STOM: variants seen among roughly 807,000 people sequenced by gnomAD.
STOM encodes erythrocyte band 7 integral membrane protein.
A neutral mutation model predicts 30.6 loss-of-function variants in STOM; 25 were observed. The observed-to-expected ratio is 0.82, with a 90% confidence interval of 0.60 to 1.14. The LOEUF (loss-of-function observed/expected upper bound fraction) is 1.14, where lower values mean the gene tolerates loss of function less well. STOM is among the 50% of genes most tolerant of loss of function. The pLI, the probability that STOM is intolerant of heterozygous loss-of-function variation, is 0.00. For synonymous variants in STOM, 118 were observed against 130.8 expected (o/e 0.90, Z 0.67); for missense variants, 292 against 365.2 (o/e 0.80, Z 1.63).
chr9:121,348,503 C>T (rs1183772932), intron 5 of STOM, among the ~76,000 whole-genome samples: 2 of 152,240 alleles, frequency 1.3e-5, no homozygotes, highest in Non-Finnish European at 2.9e-5. Context: ...ACAAAAACTA[C>T]AGCCTGTAGG....
At chr9:121,357,441 T>TATATATATATATATATATATATA (rs1564631312) in intron 1 of STOM, among the ~76,000 whole-genome samples, 1,521 of 72,514 alleles carry the variant, frequency 0.021, 41 homozygotes, top group South Asian at 0.035. Context: ...ATATATATAT[T>TATATATATATATATATATATATA]TATTTATTTA....
chr9:121,352,877 G>A (rs971529796), intron 4 of STOM, among the ~76,000 whole-genome samples: 10 of 152,146 alleles, frequency 6.6e-5, no homozygotes, highest in African/African-American at 2.4e-4. Context: ...GATCACCTGA[G>A]GTCAGGAGTT....
intron 1 of STOM, among the ~76,000 whole-genome samples, chr9:121,362,565 T>C (rs2064463750): frequency 6.6e-6 from 1 of 152,216 alleles, no homozygotes; most frequent in Admixed American, 6.5e-5. Context: ...AGTTAATTTT[T>C]CTGAAAAGAT....
chr9:121,341,173 T>G lies in STOM; in HGVS notation c.*29A>C. 1 of 1,613,196 alleles carries G rather than the reference T, an allele frequency of 6.2e-7. No homozygotes were observed. The highest frequency in any genetic ancestry group is 8.5e-7 in the Non-Finnish European group (1 of 1,179,192). ...AAGGCTAATTTGGTCCCCGACTTCA[T>G]GCTTGGAAGGCTAGCGCTCATCTCT... On this transcript the variant is annotated 3_prime_UTR_variant, in exon 7 of 7. Transcript: ENST00000286713.
At chr9:121,357,424 G>GATATTGATATATATATATATAT (rs1554831050) in intron 1 of STOM, among the ~76,000 whole-genome samples, 1 of 95,422 alleles carries the variant, frequency 1.0e-5, no homozygotes, top group African/African-American at 3.2e-5. Context: ...ATTTTTAAAT[G>GATATTGATATATATATATATAT]ATATATATAT....
intron 1 of STOM, among the ~76,000 whole-genome samples, chr9:121,369,143 A>T (rs1317910140): frequency 6.6e-6 from 1 of 152,216 alleles, no homozygotes; most frequent in Non-Finnish European, 1.5e-5. Flanking sequence ...GGATCCCTGG[A>T]CAAGGGAAAT....
intron 1 of STOM, among the ~76,000 whole-genome samples, chr9:121,359,115 C>G (rs1432358140): frequency 2.0e-5 from 3 of 152,076 alleles, no homozygotes; most frequent in Non-Finnish European, 1.5e-5. Flanking sequence ...TTTTCAGGAG[C>G]TATTTTAATG....
At chr9:121,351,863 T>G (rs919246555) in intron 4 of STOM, among the ~76,000 whole-genome samples, 4 of 152,232 alleles carry the variant, frequency 2.6e-5, no homozygotes, top group African/African-American at 9.6e-5. Context: ...GTATAAAATA[T>G]TATGTTTTAT....
At chr9:121,358,768 T>C (rs571983750) in intron 1 of STOM, among the ~76,000 whole-genome samples, 1 of 152,366 alleles carries the variant, frequency 6.6e-6, no homozygotes, top group East Asian at 1.9e-4. Context: ...TTTCCCTTTG[T>C]TCGGTTTTCA....
intron 1 of STOM, among the ~76,000 whole-genome samples, chr9:121,363,126 G>A (rs1010605791): frequency 6.6e-6 from 1 of 152,304 alleles, no homozygotes; most frequent in Non-Finnish European, 1.5e-5. Flanking sequence ...GATGGGCTAA[G>A]GAATTACTGA....
rs1320126707 is a variant in STOM, at chr9:121,339,210, G to T, written c.*1992C>A. 1 of 154,018 alleles carries T rather than the reference G, an allele frequency of 6.5e-6. No homozygotes were observed. The highest frequency in any genetic ancestry group is 2.4e-5 in the African/African-American group (1 of 41,524). The allele number at this position is 154,018 out of a possible 1,614,324, so 9.5% of individuals were successfully genotyped here. A position where few individuals can be genotyped will look rare whatever the true frequency, so the allele number is the denominator to read the frequency against. The stretch of plus-strand genomic sequence containing the variant: ...CCAAGTGATTTAATTTCAGCTGATT[G>T]GACTACGAATTCACAAGGCAGAAAA... On this transcript the variant is annotated 3_prime_UTR_variant, in exon 7 of 7. Transcript: ENST00000286713.
rs2064256317 is a variant in STOM at position 121,342,576 on chromosome 9, G to A, written c.661-1168C>T. On this transcript the variant is annotated intron_variant, in intron 6 of 6. Coordinates refer to ENST00000286713, the MANE Select transcript of STOM (RefSeq NM_004099.6). ...GATGCAATAAAAAACTTAGGTTTAA[G>A]AAGAAGAAGAAAAAAACAATAAAAA... Among the ~76,000 whole-genome samples the A allele has an allele frequency of 3.3e-5, 5 of 151,934 alleles. No homozygotes were observed. The South Asian group carries it at 1.0e-3, about 31-fold the overall frequency.
At chr9:121,353,104 C>T in intron 4 of STOM, 116 bp downstream of exon 4, 1 of 477,014 alleles carries the variant, frequency 2.1e-6, no homozygotes. Flanking sequence ...AACAAACAAA[C>T]AAACAAACAA....
At chr9:121,365,788 C>T (rs2064497379) in intron 1 of STOM, among the ~76,000 whole-genome samples, 1 of 152,116 alleles carries the variant, frequency 6.6e-6, no homozygotes, top group South Asian at 2.1e-4. Context: ...ATGTAAAGGG[C>T]TTGACACTTA....
Position 121,354,622 on chromosome 9 carries a change from G to A in STOM, c.217C>T (p.Gln73Ter). The change falls in exon 3 of 7, where the codon CAA becomes TAA. Residue 73 changes from glutamine to a stop codon, truncating the protein, a stop_gained. Transcript: ENST00000286713. LOFTEE classifies it high-confidence loss of function. ...TGACCAGGTCCTTTGGCTCCTCCTTGTAAAATGCGACCCAATCTAAAGATG... is the reference window on the plus strand; with the variant it reads ...TGACCAGGTCCTTTGGCTCCTCCTTATAAAATGCGACCCAATCTAAAGATG... ...AIIFRLGRIL[Q>*]GGAKGPGLFF... 1.9e-6 allele frequency: 3 copies of A among 1,612,452 alleles called. No individual in the cohort carries two copies. The highest frequency in any genetic ancestry group is 2.5e-6 in the Non-Finnish European group (3 of 1,179,018).
chr9:121,357,452 T>TATATATATA (rs1428744396), intron 1 of STOM, among the ~76,000 whole-genome samples: 11 of 144,654 alleles, frequency 7.6e-5, no homozygotes, highest in Admixed American at 1.4e-4. Context: ...TATTTATTTA[T>TATATATATA]TTTTTGAGAC....
chr9:121,341,303 G>A lies in STOM; in HGVS notation c.766C>T (p.Leu256=). The A allele has an allele frequency of 1.9e-6, 3 of 1,614,222 alleles. No individual in the cohort carries two copies. Among genetic ancestry groups the A allele is most frequent in the Non-Finnish European group, 2.5e-6 (3 of 1,180,042 alleles). ...AALQLRYLQT[L]TTIAAEKNST... The stretch of plus-strand genomic sequence containing the variant: ...TTTTTCTCAGCAGCAATGGTGGTCA[G>A]TGTCTGCAGGTATCGGAGCTGAAGG... Residue 256 remains leucine (L), a synonymous_variant, in exon 7 of 7, where the codon CTG becomes TTG. Coordinates refer to ENST00000286713, the MANE Select transcript of STOM (RefSeq NM_004099.6).
At chr9:121,348,273 C>T (rs964394779) in intron 5 of STOM, 124 bp from the exon 6 acceptor site, 4 of 1,351,840 alleles carry the variant, frequency 3.0e-6, no homozygotes, top group Non-Finnish European at 4.1e-6. Context: ...ACAGTTACCC[C>T]ACGGTGGAAC....
chr9:121,368,395 G>A (rs769541025), intron 1 of STOM, among the ~76,000 whole-genome samples: 1 of 152,146 alleles, frequency 6.6e-6, no homozygotes, highest in Non-Finnish European at 1.5e-5. Context: ...GGAGGTCAGG[G>A]TATTGAGGAA....
Sources: gnomAD v4.1 joint callset for allele counts (sites outside exome capture counted in the v4.1 genomes callset) on GRCh38, gnomAD v4.1.1 for gene constraint, MANE v1.5 for transcripts, NCBI Gene and HGNC (gene_info 2026-07-23, HGNC 2026-07-21) for gene names.